Variants in PAG1 observed in about 807,000 individuals in gnomAD.
PAG1 encodes phosphoprotein membrane anchor with glycosphingolipid microdomains 1, also known as phosphoprotein associated with glycosphingolipid-enriched microdomains 1.
A neutral mutation model predicts 31.7 loss-of-function variants in PAG1; 23 were observed. The observed-to-expected ratio is 0.73, with a 90% CI of 0.52 to 1.03. The LOEUF (loss-of-function observed/expected upper bound fraction) is 1.03, where lower values mean the gene tolerates loss of function less well. Ranked by LOEUF, PAG1 falls within the 50% of genes least tolerant of loss-of-function variation. The pLI is 0.00. For synonymous variants in PAG1, 214 were observed against 210.3 expected (o/e 1.02, Z -0.15); for missense variants, 473 against 540.7 (o/e 0.87, Z 1.24).
rs888010733 is a variant in PAG1, at chr8:80,976,345, C to A, written c.*199G>T. On this transcript the variant is annotated 3_prime_UTR_variant, in exon 9 of 9. Transcript: ENST00000220597. ...TACCTGTCCATCTGGCAGGCAGGGG[C>A]ACACTCAGGTGCAGCCTAGTCCGTA... The A allele has an allele frequency of 3.6e-6, 2 of 553,638 alleles. No individual in the cohort carries two copies. The highest frequency in any genetic ancestry group is 6.8e-5 in the Admixed American group (2 of 29,250). 34.3% of individuals were successfully genotyped at this position (553,638 alleles called of 1,614,324 possible).
intron 3 of PAG1, among the ~76,000 whole-genome samples, chr8:81,003,296 C>A (rs1031271639): frequency 6.6e-6 from 1 of 152,152 alleles, no homozygotes; most frequent in Non-Finnish European, 1.5e-5. Context: ...CAAGAGTCTG[C>A]ATTTCTAACT....
At chr8:81,015,045 C>T (rs927578723) in intron 3 of PAG1, among the ~76,000 whole-genome samples, 2 of 152,218 alleles carry the variant, frequency 1.3e-5, no homozygotes, top group African/African-American at 4.8e-5. Context: ...CTGCACTACA[C>T]ATTCTTGAAT....
At chr8:81,096,081 A>C (rs7006679) in intron 1 of PAG1, among the ~76,000 whole-genome samples, 25,015 of 152,200 alleles carry the variant, frequency 0.16, 4,921 homozygotes, top group African/African-American at 0.47. Flanking sequence ...AACAGCTCTG[A>C]ATCCTTGTTA....
chr8:81,102,781 G>A (rs1352961061), intron 1 of PAG1, among the ~76,000 whole-genome samples: 1 of 152,056 alleles, frequency 6.6e-6, no homozygotes, highest in Non-Finnish European at 1.5e-5. Context: ...ATTTTACATT[G>A]CTTACCGAAG....
intron 2 of PAG1, among the ~76,000 whole-genome samples, chr8:81,035,359 C>G (rs185993537): frequency 7.2e-5 from 11 of 152,282 alleles, no homozygotes; most frequent in Non-Finnish European, 1.5e-4. Context: ...TGAGAATCAT[C>G]TTAGGATACC....
In PAG1 at chr8:80,990,627, C is replaced by T. The variant is rs1371273040; in HGVS notation, c.177+852G>A. Among the ~76,000 whole-genome samples, 1 of 152,120 alleles carries T rather than the reference C, an allele frequency of 6.6e-6. No homozygotes were observed. Among genetic ancestry groups the T allele is most frequent in the Non-Finnish European group, 1.5e-5 (1 of 68,028 alleles). The stretch of plus-strand genomic sequence containing the variant: ...CTGGGTCAGAGAGGACAAGGAAGGA[C>T]CTGGACACTCTCAGGCTGTTCCTCG... On this transcript the variant is annotated intron_variant, in intron 5 of 8. Coordinates refer to ENST00000220597, the MANE Select transcript of PAG1 (RefSeq NM_018440.4). This position sits in a 1 kb window ranked among gnomAD's most constrained non-coding sequence, Gnocchi z 5.1.
intron 3 of PAG1, among the ~76,000 whole-genome samples, chr8:81,018,517 G>A (rs147052993): frequency 1.5e-3 from 231 of 152,266 alleles, no homozygotes; most frequent in Non-Finnish European, 2.1e-3. Flanking sequence ...CACATGTTGT[G>A]GGAGGGACCC....
intron 3 of PAG1, among the ~76,000 whole-genome samples, chr8:81,002,874 T>A (rs1483316902): frequency 6.6e-6 from 1 of 152,170 alleles, no homozygotes; most frequent in African/African-American, 2.4e-5. Context: ...ACTAGCTTGA[T>A]TAGAGAAAGT....
chr8:80,976,695 G>T lies in PAG1; in HGVS notation c.1148C>A (p.Pro383Gln). The T allele has an allele frequency of 6.2e-7, 1 of 1,614,132 alleles. No individual in the cohort carries two copies. Among genetic ancestry groups the T allele is most frequent in the South Asian group, 1.1e-5 (1 of 91,066 alleles). Residue 383 changes from proline (P) to glutamine (Q), a missense_variant, in exon 9 of 9, where the codon CCA (proline) becomes CAA (glutamine). Coordinates refer to ENST00000220597, the MANE Select transcript of PAG1 (RefSeq NM_018440.4). ...CTGTATCGCTTCATAATCAGGCTCT[G>T]GCTCCTCGCTGGGCCTCCCTGCTGG... Reference protein sequence around the residue: ...LPPAGRPSEEPEPDYEAIQTL... With the variant: ...LPPAGRPSEEQEPDYEAIQTL...
At position 80,976,429 on chromosome 8, in the gene PAG1, T is replaced by C. The variant is rs953500335; in HGVS notation, c.*115A>G. On this transcript the variant is annotated 3_prime_UTR_variant, in exon 9 of 9. Coordinates refer to ENST00000220597, the MANE Select transcript of PAG1 (RefSeq NM_018440.4). The stretch of plus-strand genomic sequence containing the variant: ...ACAGTCGACAGGGCCTCTCCAACCA[T>C]CTTCAGGTGACTAAAGCAGCATATG... 5 of 1,081,984 alleles carry C rather than the reference T, an allele frequency of 4.6e-6. No homozygotes were observed. The highest frequency in any genetic ancestry group is 6.7e-6 in the Non-Finnish European group (5 of 749,702). The allele number at this position is 1,081,984 out of a possible 1,614,324, so 67.0% of individuals were successfully genotyped here.
chr8:81,070,019 A>T (rs1340256194), intron 2 of PAG1, 93 bp downstream of exon 2: 1 of 152,344 alleles, frequency 6.6e-6, no homozygotes, highest in South Asian at 2.1e-4. Flanking sequence ...GAGTCTCCAA[A>T]TCAACAACTG....
intron 3 of PAG1, among the ~76,000 whole-genome samples, chr8:81,027,205 T>C (rs1030407187): frequency 2.2e-4 from 33 of 152,134 alleles, no homozygotes; most frequent in African/African-American, 7.5e-4. Context: ...TTTTGCCATG[T>C]TGCCCAGGCT....
intron 2 of PAG1, among the ~76,000 whole-genome samples, chr8:81,043,820 G>A (rs1808595552): frequency 6.6e-6 from 1 of 152,154 alleles, no homozygotes; most frequent in African/African-American, 2.4e-5. Flanking sequence ...TGGTAAAAGG[G>A]AATATAATCC....
At chr8:81,046,131 C>G (rs1404822035) in intron 2 of PAG1, among the ~76,000 whole-genome samples, 1 of 152,190 alleles carries the variant, frequency 6.6e-6, no homozygotes, top group Non-Finnish European at 1.5e-5. Context: ...GATAAAATGA[C>G]AGCCAAGAAG....
In PAG1 at chr8:80,976,717, C is replaced by T. The variant is rs968485780; in HGVS notation, c.1126G>A (p.Ala376Thr). The T allele has an allele frequency of 6.2e-6, 10 of 1,614,028 alleles. No homozygotes were observed. The African/African-American group carries it at 1.3e-4, about 22-fold the overall frequency. ...TCTGGCTCCTCGCTGGGCCTCCCTG[C>T]TGGTGGAAGTGTGCTGTTTGGAGTT... ...EKTPNSTLPP[A>T]GRPSEEPEPD... Residue 376 changes from alanine (A) to threonine (T), a missense_variant, in exon 9 of 9, where the codon GCA becomes ACA. Coordinates refer to ENST00000220597, the MANE Select transcript of PAG1 (RefSeq NM_018440.4).
At chr8:81,018,585 G>A (rs1220098974) in intron 3 of PAG1, among the ~76,000 whole-genome samples, 1 of 152,236 alleles carries the variant, frequency 6.6e-6, no homozygotes, top group Non-Finnish European at 1.5e-5. Context: ...TCATGATGGT[G>A]AATGGGTCTC....
At chr8:81,045,653 C>A (rs1366941802) in intron 2 of PAG1, among the ~76,000 whole-genome samples, 1 of 152,144 alleles carries the variant, frequency 6.6e-6, no homozygotes, top group Non-Finnish European at 1.5e-5. Flanking sequence ...AGCCACTGAA[C>A]TGTATACTTT....
At chr8:81,016,381 CT>C (rs767863798) in intron 3 of PAG1, among the ~76,000 whole-genome samples, 10 of 152,344 alleles carry the variant, frequency 6.6e-5, no homozygotes, top group Non-Finnish European at 1.5e-4. Context: ...GGCCTACACT[CT>C]TAGTCACTTC....
At chr8:81,080,018 T>C (rs954027062) in intron 1 of PAG1, among the ~76,000 whole-genome samples, 7 of 151,954 alleles carry the variant, frequency 4.6e-5, no homozygotes, top group Non-Finnish European at 1.0e-4. Context: ...GATCCTCCCA[T>C]CAAGGCCTCC....
Sources: allele counts gnomAD v4.1 joint callset (sites outside exome capture counted in the v4.1 genomes callset), GRCh38; gene constraint gnomAD v4.1.1; non-coding constraint Gnocchi (gnomAD v3.1); transcripts MANE v1.5; gene names NCBI Gene and HGNC (gene_info 2026-07-23, HGNC 2026-07-21).